Variants in RABEP1 observed in about 807,000 individuals in gnomAD.
RABEP1 encodes rab GTPase-binding effector protein 1.
A neutral mutation model predicts 123.4 loss-of-function variants in RABEP1; 51 were observed. That is an observed-to-expected ratio of 0.41 (90% CI 0.33 to 0.52). The LOEUF is 0.52. RABEP1 is among the 20% of genes least tolerant of loss of function. The pLI, the probability that RABEP1 is intolerant of heterozygous loss-of-function variation, is 0.16. For missense variants in RABEP1, 888 were observed against 996.3 expected, an observed-to-expected ratio of 0.89 and a Z score of 1.46; for synonymous variants, 347 against 355.2, an observed-to-expected ratio of 0.98 and a Z score of 0.26.
intron 2 of RABEP1, among the ~76,000 whole-genome samples, chr17:5,318,475 A>T (rs2075320190): frequency 6.6e-6 from 1 of 152,232 alleles, no homozygotes; most frequent in African/African-American, 2.4e-5. Context: ...ATGAAAGAGG[A>T]GACTGTACTC....
intron 15 of RABEP1, 21 bp from the exon 16 acceptor site, chr17:5,380,343 C>G: frequency 1.3e-6 from 2 of 1,503,078 alleles, no homozygotes; most frequent in Non-Finnish European, 9.0e-7. Flanking sequence ...CTGTGAGTTT[C>G]AGCTTTTTCC....
At chr17:5,284,275 A>G (rs1215328427) in intron 1 of RABEP1, among the ~76,000 whole-genome samples, 2 of 152,124 alleles carry the variant, frequency 1.3e-5, no homozygotes, top group Non-Finnish European at 2.9e-5. Context: ...TATTCTTGGT[A>G]TTTTAGTTCA....
intron 2 of RABEP1, among the ~76,000 whole-genome samples, chr17:5,329,767 C>T (rs1397661798): frequency 6.7e-6 from 1 of 150,144 alleles, no homozygotes; most frequent in African/African-American, 2.4e-5. Context: ...AAATTTCTGT[C>T]TCCTGTTTTT....
At chr17:5,364,017 T>A (rs1268969450) in intron 10 of RABEP1, among the ~76,000 whole-genome samples, 2 of 152,232 alleles carry the variant, frequency 1.3e-5, no homozygotes, top group African/African-American at 4.8e-5. Flanking sequence ...GCCTTCAAAA[T>A]AACTTCAAGC....
At chr17:5,331,550 C>T (rs1235565464) in intron 2 of RABEP1, among the ~76,000 whole-genome samples, 6 of 152,252 alleles carry the variant, frequency 3.9e-5, no homozygotes, top group South Asian at 2.1e-4. Flanking sequence ...TTTCTTTTCT[C>T]TTTTATTAAA....
chr17:5,319,350 CA>C (rs112853888), intron 2 of RABEP1, among the ~76,000 whole-genome samples: 34,749 of 137,582 alleles, frequency 0.25, 4,698 homozygotes, highest in African/African-American at 0.35. Context: ...AACAAAAAAA[CA>C]AAAAAAAAAA....
Position 5,317,581 on chromosome 17 carries a change from A to G in RABEP1, c.163+8759A>G, listed in dbSNP as rs749288892. ...GAGGATCTATGTAGGGCACTTACCC[A>G]AAGAAAGAAAGAAAAAGGAAAGGAA... is the stretch of plus-strand genomic sequence containing the variant. On this transcript the variant is annotated intron_variant, in intron 2 of 17. Coordinates refer to ENST00000537505, the MANE Select transcript of RABEP1 (RefSeq NM_004703.6). Among the ~76,000 whole-genome samples, 43 of 151,464 alleles carry G rather than the reference A, an allele frequency of 2.8e-4. 1 individual carries two copies. Among genetic ancestry groups the G allele is most frequent in the Non-Finnish European group, 1.6e-4 (11 of 67,952 alleles).
chr17:5,371,594 G>C (rs1910535693), intron 12 of RABEP1: 1 of 152,190 alleles, frequency 6.6e-6, no homozygotes, highest in Admixed American at 6.5e-5. Context: ...CTAGTCTGAA[G>C]ACAATAAGAG....
chr17:5,331,837 A>C (rs867726660), intron 2 of RABEP1, 112 bp from the exon 3 acceptor site: 3 of 891,474 alleles, frequency 3.4e-6, no homozygotes, highest in Middle Eastern at 3.4e-4. Context: ...CTCTATTAAA[A>C]GGGTGTCATT....
intron 8 of RABEP1, 91 bp from the exon 9 acceptor site, chr17:5,361,117 G>A (rs1909487395): frequency 9.2e-6 from 10 of 1,084,078 alleles, no homozygotes; most frequent in Non-Finnish European, 6.7e-6. Context: ...ATTATCATGT[G>A]TAATGAGTGG....
At chr17:5,346,080 A>G (rs1908037531) in intron 5 of RABEP1, among the ~76,000 whole-genome samples, 1 of 152,016 alleles carries the variant, frequency 6.6e-6, no homozygotes, top group Non-Finnish European at 1.5e-5. Flanking sequence ...TTTTATTGTT[A>G]TTTTTTGGAA....
intron 2 of RABEP1, among the ~76,000 whole-genome samples, chr17:5,310,812 ATT>A (rs57691824): frequency 9.5e-5 from 13 of 137,134 alleles, no homozygotes; most frequent in Non-Finnish European, 7.9e-5. Context: ...TGTTTCATTC[ATT>A]TTTTTTTTTT....
At chr17:5,347,392 A>G (rs991855430) in intron 6 of RABEP1, among the ~76,000 whole-genome samples, 5 of 151,048 alleles carry the variant, frequency 3.3e-5, no homozygotes, top group Non-Finnish European at 5.9e-5. Context: ...CCTGGGCGAC[A>G]GAGCGAGACT....
chr17:5,355,411 A>G (rs961435309), intron 8 of RABEP1, among the ~76,000 whole-genome samples: 20 of 152,178 alleles, frequency 1.3e-4, no homozygotes, highest in African/African-American at 4.8e-4. Flanking sequence ...TTGCCTTTAG[A>G]ATAAAAACTA....
chr17:5,373,268 C>G, intron 12 of RABEP1, 46 bp from the exon 13 acceptor site: 2 of 1,582,798 alleles, frequency 1.3e-6, no homozygotes, highest in Non-Finnish European at 1.7e-6. Flanking sequence ...TATCACCAGA[C>G]CGGATCTACC....
intron 8 of RABEP1, 151 bp downstream of exon 8, chr17:5,354,641 G>C: frequency 4.7e-6 from 3 of 644,952 alleles, no homozygotes; most frequent in Non-Finnish European, 7.1e-6. Flanking sequence ...ATTTTCAGTT[G>C]TTTTTATGGC....
intron 1 of RABEP1, among the ~76,000 whole-genome samples, chr17:5,296,828 C>T (rs1413589240): frequency 6.6e-6 from 1 of 152,166 alleles, no homozygotes; most frequent in African/African-American, 2.4e-5. Flanking sequence ...CTCACGGTAG[C>T]CTTGACCCCG....
chr17:5,329,772 GT>G (rs1184976567), intron 2 of RABEP1, among the ~76,000 whole-genome samples: 3 of 148,038 alleles, frequency 2.0e-5, no homozygotes, highest in Middle Eastern at 7.2e-3. Context: ...TCTGTCTCCT[GT>G]TTTTTTGTAT....
chr17:5,299,651 G>A (rs544779933), intron 1 of RABEP1, among the ~76,000 whole-genome samples: 1 of 148,254 alleles, frequency 6.7e-6, no homozygotes, highest in South Asian at 2.1e-4. Flanking sequence ...TGTCATTGGG[G>A]TTTGTTTCTC....
Sources: allele counts gnomAD v4.1 joint callset (sites outside exome capture counted in the v4.1 genomes callset), GRCh38; gene constraint gnomAD v4.1.1; transcripts MANE v1.5; gene names NCBI Gene and HGNC (gene_info 2026-07-23, HGNC 2026-07-21).